Variants in LRBA observed in about 807,000 individuals in gnomAD.
The protein encoded by LRBA is lipopolysaccharide-responsive and beige-like anchor protein.
In LRBA, 176 loss-of-function variants were observed where a neutral mutation model predicts 330.0. The ratio of observed to expected loss-of-function variants is 0.53; its 90% CI spans 0.47 to 0.60. The LOEUF is 0.60. Among genes scored for constraint, LRBA ranks in the 20% least tolerant of loss-of-function variants. LRBA has a pLI of 0.00. For missense variants in LRBA, 3,259 were observed against 3,444.8 expected, an observed-to-expected ratio of 0.95 and a Z score of 1.35; for synonymous variants, 1,230 against 1,193.0, an observed-to-expected ratio of 1.03 and a Z score of -0.64.
chr4:150,602,839 G>A (rs773494342), intron 37 of LRBA, among the ~76,000 whole-genome samples: 4 of 152,120 alleles, frequency 2.6e-5, no homozygotes, highest in African/African-American at 9.7e-5. Context: ...ACCATGGTAC[G>A]ATCAGCAAAA....
At chr4:150,892,672 G>A (rs952393122) in intron 17 of LRBA, among the ~76,000 whole-genome samples, 2 of 152,172 alleles carry the variant, frequency 1.3e-5, no homozygotes, top group African/African-American at 2.4e-5. Context: ...AGTGGGAGGT[G>A]GAGGAAGTGA....
intron 37 of LRBA, among the ~76,000 whole-genome samples, chr4:150,613,387 T>C (rs1041922955): frequency 3.3e-5 from 5 of 151,826 alleles, no homozygotes; most frequent in African/African-American, 1.2e-4. Context: ...AGTCAAAGAG[T>C]TAACAGATGT....
chr4:150,680,773 T>C (rs1386044475), intron 37 of LRBA, among the ~76,000 whole-genome samples: 3 of 152,154 alleles, frequency 2.0e-5, no homozygotes, highest in Admixed American at 1.3e-4. Context: ...TTCTCTATAA[T>C]TGACTAAAAA....
intron 51 of LRBA, chr4:150,315,147 A>G (rs1196506193): frequency 7.9e-6 from 2 of 252,572 alleles, no homozygotes; most frequent in Non-Finnish European, 1.5e-5. Context: ...AGTGCTGCTA[A>G]GAACCCCACT....
chr4:150,414,452 G>C (rs945854155), intron 47 of LRBA, among the ~76,000 whole-genome samples: 1 of 152,010 alleles, frequency 6.6e-6, no homozygotes, highest in Admixed American at 6.6e-5. Flanking sequence ...TTTTAATGTA[G>C]AGTGTGGTAA....
At chr4:150,751,796 G>T (rs1733592921) in intron 35 of LRBA, among the ~76,000 whole-genome samples, 1 of 152,062 alleles carries the variant, frequency 6.6e-6, no homozygotes, top group African/African-American at 2.4e-5. Context: ...GATTCATACT[G>T]GAGGCTCAAT....
intron 35 of LRBA, among the ~76,000 whole-genome samples, chr4:150,737,636 GAA>G (rs144188391): frequency 6.8e-6 from 1 of 147,660 alleles, no homozygotes; most frequent in South Asian, 2.1e-4. Context: ...ACCACTGTGG[GAA>G]AAAAAAAAGA....
rs1743233289 is a variant in LRBA at position 150,809,121 on chromosome 4, T to G, written c.5306-723A>C. On this transcript the variant is annotated intron_variant, in intron 31 of 56. Coordinates refer to ENST00000651943, the MANE Select transcript of LRBA (RefSeq NM_001364905.1). ...AGGAAATCCAAGGAAAAGAGAAAAC[T>G]GAGAATTGTAGAATTCATATCTATA... 1.3e-5 allele frequency among the ~76,000 whole-genome samples: 2 copies of G among 152,096 alleles called. 1 individual carries two copies. Among genetic ancestry groups the G allele is most frequent in the South Asian group, 4.1e-4 (2 of 4,822 alleles).
At chr4:150,758,527 G>A (rs1734621247) in intron 35 of LRBA, among the ~76,000 whole-genome samples, 1 of 148,618 alleles carries the variant, frequency 6.7e-6, no homozygotes, top group South Asian at 2.1e-4. Flanking sequence ...TCACCATCAT[G>A]TTTAACCAGA....
intron 36 of LRBA, among the ~76,000 whole-genome samples, chr4:150,704,936 C>T (rs746138972): frequency 3.3e-5 from 5 of 152,140 alleles, no homozygotes; most frequent in Non-Finnish European, 7.4e-5. Context: ...TTAACACATA[C>T]AGCAGATTCT....
intron 48 of LRBA, among the ~76,000 whole-genome samples, chr4:150,329,498 C>T (rs1733715632): frequency 6.6e-6 from 1 of 152,152 alleles, no homozygotes; most frequent in Admixed American, 6.5e-5. Flanking sequence ...CTGTAGTCTA[C>T]TCCTTTAATC....
chr4:150,877,999 A>G (rs1177562185), intron 17 of LRBA, among the ~76,000 whole-genome samples: 1 of 152,168 alleles, frequency 6.6e-6, no homozygotes, highest in African/African-American at 2.4e-5. Flanking sequence ...CAAAGCCACA[A>G]CATAACCAAA....
chr4:150,688,373 C>T (rs547232657), intron 36 of LRBA, among the ~76,000 whole-genome samples: 38 of 152,232 alleles, frequency 2.5e-4, no homozygotes, highest in African/African-American at 8.7e-4. Flanking sequence ...CTAGGCAATG[C>T]CATTCAGGAC....
chr4:150,275,459 G>A (rs1350988836), intron 56 of LRBA, among the ~76,000 whole-genome samples: 3 of 152,150 alleles, frequency 2.0e-5, no homozygotes, highest in African/African-American at 7.2e-5. Context: ...AGAAAGAAAG[G>A]GTATTCAGAT....
chr4:150,965,564 G>A (rs1416976383), intron 2 of LRBA, among the ~76,000 whole-genome samples: 1 of 152,052 alleles, frequency 6.6e-6, no homozygotes, highest in African/African-American at 2.4e-5. Context: ...TTGAGACAGG[G>A]TCTCACTCTG....
chr4:150,602,124 A>G (rs1774186492), intron 37 of LRBA, among the ~76,000 whole-genome samples: 1 of 152,222 alleles, frequency 6.6e-6, no homozygotes, highest in South Asian at 2.1e-4. Flanking sequence ...AACACAATCC[A>G]GTTACAACAC....
intron 37 of LRBA, among the ~76,000 whole-genome samples, chr4:150,677,305 T>C (rs1369238106): frequency 6.6e-6 from 1 of 152,088 alleles, no homozygotes; most frequent in African/African-American, 2.4e-5. Flanking sequence ...CCACAGAAGA[T>C]AGGAGGAAAG....
intron 2 of LRBA, among the ~76,000 whole-genome samples, chr4:151,008,687 C>T (rs184645762): frequency 6.6e-6 from 1 of 151,836 alleles, no homozygotes; most frequent in African/African-American, 2.4e-5. Flanking sequence ...AAAAAAGCCA[C>T]CTCTAGGCTG....
At chr4:150,455,169 CTGTGTCCA>C (rs1413738447) in intron 44 of LRBA, among the ~76,000 whole-genome samples, 2 of 148,696 alleles carry the variant, frequency 1.3e-5, no homozygotes, top group Non-Finnish European at 3.0e-5. Context: ...ATTCCCCTTC[CTGTGTCCA>C]TGTGATCTCA....
Sources: gnomAD v4.1 joint callset for allele counts (sites outside exome capture counted in the v4.1 genomes callset) on GRCh38, gnomAD v4.1.1 for gene constraint, MANE v1.5 for transcripts, NCBI Gene and HGNC (gene_info 2026-07-23, HGNC 2026-07-21) for gene names.